Variants in LINGO3 observed in about 807,000 individuals in gnomAD.
LINGO3 encodes the protein leucine rich repeat and Ig domain containing 3.
For synonymous variants in LINGO3, 427 were observed against 444.2 expected (o/e 0.96, Z 0.49); for missense variants, 750 against 867.7 (o/e 0.86, Z 1.70).
chr19:2,288,761 G>T (rs1174916332), downstream of LINGO3, among the ~76,000 whole-genome samples: 20 of 152,208 alleles, frequency 1.3e-4, no homozygotes, highest in Non-Finnish European at 7.4e-5. This position sits in a 1 kb window ranked among gnomAD's most constrained non-coding sequence, Gnocchi z 6.5. Context: ...AGGCCCCGAG[G>T]TCGGCTGGGA....
chr19:2,298,417 A>AGAT, the LINGO3 span, among the ~76,000 whole-genome samples: 13 of 151,154 alleles, frequency 8.6e-5, no homozygotes, highest in East Asian at 2.5e-3. Flanking sequence ...TTTTTTGTAG[A>AGAT]GATAGGGTCT....
chr19:2,287,657 C>A (rs968780219), downstream of LINGO3, among the ~76,000 whole-genome samples: 20 of 152,204 alleles, frequency 1.3e-4, no homozygotes, highest in African/African-American at 4.6e-4. This position sits in a 1 kb window ranked among gnomAD's most constrained non-coding sequence, Gnocchi z 4.5. Flanking sequence ...TCTGGCTGAT[C>A]GATCTCAGAG....
At chr19:2,295,238 G>A (rs183709468), upstream of LINGO3, among the ~76,000 whole-genome samples, 1 of 152,206 alleles carries the variant, frequency 6.6e-6, no homozygotes, top group Non-Finnish European at 1.5e-5. Context: ...CTTATAAGAG[G>A]GAAATCTGGA....
At chr19:2,289,197 G>C (rs908335046), downstream of LINGO3, among the ~76,000 whole-genome samples, 11 of 149,788 alleles carry the variant, frequency 7.3e-5, no homozygotes, top group Admixed American at 6.6e-4. Context: ...TGAGCTGTGT[G>C]TCCCGGGTGT....
Position 2,290,226 on chromosome 19 carries a change from G to T in LINGO3, c.1551C>A (p.Ala517=). 6.2e-7 allele frequency: 1 copy of T among 1,606,060 alleles called. No individual in the cohort carries two copies. Among genetic ancestry groups the T allele is most frequent in the Non-Finnish European group, 8.5e-7 (1 of 1,177,840 alleles). Residue 517 remains alanine (A), a synonymous_variant, in exon 1 of 1, where the codon GCC becomes GCA. Coordinates refer to ENST00000585527, the Ensembl canonical transcript of LINGO3. This position sits in a 1 kb window ranked among gnomAD's most constrained non-coding sequence, Gnocchi z 6.0. ...TGGTGAGGTCGAGCGGCGCGCGCAG[G>T]GCCGCCAGCGTCTCGTTGTGGGCCT...
At chr19:2,293,254 C>T (rs1006177467), upstream of LINGO3, among the ~76,000 whole-genome samples, 9 of 151,958 alleles carry the variant, frequency 5.9e-5, no homozygotes, top group South Asian at 2.1e-4. Flanking sequence ...TTAGTAGAGA[C>T]GGGATTTCAC....
Position 2,290,830 on chromosome 19 carries a change from CCCAGGAAGG to C in LINGO3, c.938_946del (p.Ala313_Leu315del), listed in dbSNP as rs1367037721. 6.2e-7 allele frequency: 1 copy of C among 1,612,306 alleles called. No individual in the cohort carries two copies. The highest frequency in any genetic ancestry group is 8.5e-7 in the Non-Finnish European group (1 of 1,179,580). The stretch of plus-strand genomic sequence containing the variant: ...GTTGAGCAGGCGGATCTGGCGCAGG[CCCAGGAAGG>C]CCTGCGGCTCCACCACAGCCAGCAG... On this transcript the variant is annotated inframe_deletion, in exon 1 of 1. Transcript: ENST00000585527. The surrounding 1 kb of genome is among the most constrained non-coding windows in gnomAD (Gnocchi z 6.0).
At chr19:2,296,667 C>T (rs1342743729), upstream of LINGO3, among the ~76,000 whole-genome samples, 8 of 151,530 alleles carry the variant, frequency 5.3e-5, no homozygotes, top group African/African-American at 1.2e-4. Context: ...TTAGTAGAGA[C>T]GGGGTTTCAC....
At chr19:2,291,267 G>A (rs1413213093) in exon 1 of LINGO3, 6 of 1,612,382 alleles carry the variant, frequency 3.7e-6, no homozygotes, top group Non-Finnish European at 5.1e-6. Flanking sequence ...GCAGCCCCGC[G>A]AAGGCGCGGC....
chr19:2,307,849 AG>A, the LINGO3 span, among the ~76,000 whole-genome samples: 7 of 151,944 alleles, frequency 4.6e-5, no homozygotes, highest in Admixed American at 6.5e-5. Flanking sequence ...GCCCCAGAGG[AG>A]GGGCGGGGGG....
At chr19:2,306,928 C>T in the LINGO3 span, among the ~76,000 whole-genome samples, 624 of 152,214 alleles carry the variant, frequency 4.1e-3, 3 homozygotes, top group African/African-American at 0.014. Flanking sequence ...CGGCAGCCCA[C>T]CCCACACCAG....
downstream of LINGO3, among the ~76,000 whole-genome samples, chr19:2,289,385 C>T (rs2025495091): frequency 6.6e-6 from 1 of 151,888 alleles, no homozygotes; most frequent in African/African-American, 2.4e-5. Flanking sequence ...CTCTGGTGCC[C>T]CGGGTCTGGT....
exon 1 of LINGO3, chr19:2,291,633 C>A: frequency 6.9e-7 from 1 of 1,448,982 alleles, no homozygotes; most frequent in African/African-American, 1.5e-5. Context: ...TGCCGTCGGG[C>A]ACGGCGGTCA....
chr19:2,303,777 C>T, the LINGO3 span, among the ~76,000 whole-genome samples: 2 of 152,240 alleles, frequency 1.3e-5, no homozygotes, highest in Non-Finnish European at 2.9e-5. Context: ...CACCCGGTTA[C>T]CCACACGCAG....
upstream of LINGO3, among the ~76,000 whole-genome samples, chr19:2,294,097 T>C (rs2025552228): frequency 6.6e-6 from 1 of 152,164 alleles, no homozygotes; most frequent in African/African-American, 2.4e-5. The surrounding 1 kb of genome is among the most constrained non-coding windows in gnomAD (Gnocchi z 4.3). Context: ...GTGCCTGCTG[T>C]GCACGGGACC....
downstream of LINGO3, among the ~76,000 whole-genome samples, chr19:2,289,454 G>A (rs921001298): frequency 3.9e-5 from 6 of 151,992 alleles, no homozygotes; most frequent in African/African-American, 1.5e-4. Flanking sequence ...CCAGGTGTGA[G>A]TGTGTCTCTG....
exon 1 of LINGO3, chr19:2,291,281 A>G: frequency 6.2e-7 from 1 of 1,612,402 alleles, no homozygotes. Context: ...GCGCGGCGCG[A>G]GACGAATACC....
At chr19:2,298,750 A>G in the LINGO3 span, among the ~76,000 whole-genome samples, 1 of 152,058 alleles carries the variant, frequency 6.6e-6, no homozygotes, top group Non-Finnish European at 1.5e-5. Context: ...CATGTTGGTC[A>G]GGCTGGTCTC....
downstream of LINGO3, among the ~76,000 whole-genome samples, chr19:2,288,304 C>T (rs150187084): frequency 2.9e-4 from 44 of 152,320 alleles, no homozygotes; most frequent in East Asian, 4.6e-3. The surrounding 1 kb of genome is among the most constrained non-coding windows in gnomAD (Gnocchi z 6.5). Context: ...GCCCTTGTTC[C>T]GGCCTTGTTC....
Sources: allele counts gnomAD v4.1 joint callset (sites outside exome capture counted in the v4.1 genomes callset), GRCh38; gene constraint gnomAD v4.1.1; non-coding constraint Gnocchi (gnomAD v3.1); transcripts MANE v1.5; gene names NCBI Gene and HGNC (gene_info 2026-07-23, HGNC 2026-07-21).